The following NDNF variants were observed in gnomAD, a reference collection of about 807,000 sequenced individuals.
NDNF encodes the protein protein NDNF.
A neutral mutation model predicts 42.0 loss-of-function variants in NDNF; 16 were observed. That is an observed-to-expected ratio of 0.38 (90% confidence interval 0.26 to 0.58). The LOEUF (loss-of-function observed/expected upper bound fraction) is 0.58. Among genes scored for constraint, NDNF ranks in the 20% least tolerant of loss-of-function variants. NDNF has a pLI of 0.67. For synonymous variants in NDNF, 248 were observed against 251.7 expected (o/e 0.99, Z 0.14); for missense variants, 616 against 666.2 (o/e 0.92, Z 0.83).
intron 1 of NDNF, among the ~76,000 whole-genome samples, chr4:121,059,683 G>C (rs1727370002): frequency 6.6e-6 from 1 of 152,170 alleles, no homozygotes; most frequent in Non-Finnish European, 1.5e-5. Flanking sequence ...ATTTTGGTTT[G>C]GTTAGGATCT....
At chr4:121,064,091 C>A (rs1727460267) in intron 1 of NDNF, among the ~76,000 whole-genome samples, 1 of 152,182 alleles carries the variant, frequency 6.6e-6, no homozygotes, top group African/African-American at 2.4e-5. Flanking sequence ...ATTGTCCAGA[C>A]AAATTAATGT....
At position 121,045,634 on chromosome 4, in the gene NDNF, A is replaced by G; in HGVS notation, c.188+16T>C. ...TTGTGAGCTTTTTAATAAAGAAAATACTGCAGGGAGAATACCTCTTAGGTG... is the reference window on the plus strand; with the variant it reads ...TTGTGAGCTTTTTAATAAAGAAAATGCTGCAGGGAGAATACCTCTTAGGTG... On this transcript the variant is annotated intron_variant, in intron 2 of 3. Transcript: ENST00000379692. The G allele has an allele frequency of 6.2e-7, 1 of 1,604,016 alleles. No individual in the cohort carries two copies. The highest frequency in any genetic ancestry group is 8.5e-7 in the Non-Finnish European group (1 of 1,171,948).
At chr4:121,055,451 G>A (rs183334768) in intron 1 of NDNF, among the ~76,000 whole-genome samples, 1 of 152,140 alleles carries the variant, frequency 6.6e-6, no homozygotes, top group African/African-American at 2.4e-5. Flanking sequence ...ATAGGAACGT[G>A]CATATGATAA....
rs1349815046 is a variant in NDNF, at chr4:121,072,117, G to C, written c.-126C>G. ...AAGCACCAATATCCAGGAACGAGAA[G>C]CCTGGAGGGCGGGGACGGAGGCAGA... On this transcript the variant is annotated 5_prime_UTR_variant, in exon 1 of 4. Transcript: ENST00000379692. The C allele has an allele frequency of 6.6e-6, 1 of 152,428 alleles. No individual in the cohort carries two copies. Among genetic ancestry groups the C allele is most frequent in the African/African-American group, 2.4e-5 (1 of 41,476 alleles). 9.4% of individuals were successfully genotyped at this position (152,428 alleles called of 1,614,324 possible).
rs1410840968 is a variant in NDNF at position 121,037,596 on chromosome 4, T to C, written c.375A>G (p.Leu125=). Residue 125 remains leucine, a synonymous_variant, in exon 4 of 4, where the codon TTA becomes TTG. Transcript: ENST00000379692. ...QQIINEEGTE[L]FSYKGNDVEY... is the part of the protein sequence containing the mutation. ...CAACATCATTGCCTTTGTAGGAGAA[T>C]AACTCAGTGCCTTCCTCATTAATGA... The C allele has an allele frequency of 3.1e-6, 5 of 1,609,562 alleles. No individual in the cohort carries two copies. The highest frequency in any genetic ancestry group is 4.2e-6 in the Non-Finnish European group (5 of 1,179,238).
intron 3 of NDNF, among the ~76,000 whole-genome samples, chr4:121,039,182 GTGTGTGTGTGTATATATATATATATATA>G (rs1726942968): frequency 2.1e-3 from 29 of 13,802 alleles, no homozygotes; most frequent in South Asian, 0.011. Context: ...AAGACTATGT[GTGTGTGTGTGTATATATATATATATATA>G]TATATATATA....
At chr4:121,065,717 T>TAC (rs147500183) in intron 1 of NDNF, among the ~76,000 whole-genome samples, 90,198 of 147,478 alleles carry the variant, frequency 0.61, 28,715 homozygotes, top group East Asian at 0.74. Flanking sequence ...AAGAATGAAA[T>TAC]ACACACACAC....
rs1727620054 is a variant in NDNF at position 121,072,269 on chromosome 4, G to C, written c.-278C>G. On this transcript the variant is annotated 5_prime_UTR_variant, in exon 1 of 4. Transcript: ENST00000379692. ...GCTGCGAAGTGGAGTAGGGAGCCGC[G>C]CGGGGCTGGGGAATCCCGGGGCAGC... The C allele has an allele frequency of 6.6e-6, 1 of 152,604 alleles. No individual in the cohort carries two copies. The highest frequency in any genetic ancestry group is 1.5e-5 in the Non-Finnish European group (1 of 68,478). 9.5% of individuals were successfully genotyped at this position (152,604 alleles called of 1,614,324 possible). A position where few individuals can be genotyped will look rare whatever the true frequency, so the allele number is the denominator to read the frequency against.
intron 1 of NDNF, among the ~76,000 whole-genome samples, chr4:121,056,948 T>A (rs925587143): frequency 6.6e-6 from 1 of 152,196 alleles, no homozygotes; most frequent in Non-Finnish European, 1.5e-5. Flanking sequence ...AGAGCAAGTG[T>A]GGTGGGATTA....
At chr4:121,071,235 G>A (rs1016751900) in intron 1 of NDNF, among the ~76,000 whole-genome samples, 2 of 152,250 alleles carry the variant, frequency 1.3e-5, no homozygotes, top group African/African-American at 4.8e-5. Flanking sequence ...GGCTGGGGCC[G>A]TAGGGGGCGT....
chr4:121,039,702 TCTC>T (rs751433171), intron 3 of NDNF, among the ~76,000 whole-genome samples: 3 of 152,028 alleles, frequency 2.0e-5, no homozygotes, highest in Non-Finnish European at 2.9e-5. Flanking sequence ...CCTCTCCCCT[TCTC>T]CTCAAGCCGT....
At position 121,036,657 on chromosome 4, in the gene NDNF, C is replaced by T; in HGVS notation, c.1314G>A (p.Arg438=). The part of the protein sequence containing the change: ...ASMLKILATT[R]PTKQSFPSLP... ...GAGAGGGAAATGACTGCTTAGTAGG[C>T]CTTGTGGTAGCTAGAATTTTCAACA... Residue 438 remains arginine, a synonymous_variant, in exon 4 of 4, where the codon AGG becomes AGA. Coordinates refer to ENST00000379692, the MANE Select transcript of NDNF (RefSeq NM_024574.4). 1 of 1,614,116 alleles carries T rather than the reference C, an allele frequency of 6.2e-7. No homozygotes were observed. Among genetic ancestry groups the T allele is most frequent in the South Asian group, 1.1e-5 (1 of 91,082 alleles).
At chr4:121,066,250 GTT>G (rs1322800464) in intron 1 of NDNF, among the ~76,000 whole-genome samples, 2 of 152,210 alleles carry the variant, frequency 1.3e-5, no homozygotes, top group Non-Finnish European at 2.9e-5. Context: ...GAGGCACAGA[GTT>G]AAACGACTGA....
At position 121,037,596 on chromosome 4, in the gene NDNF, T is replaced by G. The variant is rs1410840968; in HGVS notation, c.375A>C (p.Leu125Phe). 1 of 1,609,444 alleles carries G rather than the reference T, an allele frequency of 6.2e-7. No homozygotes were observed. The highest frequency in any genetic ancestry group is 8.5e-7 in the Non-Finnish European group (1 of 1,179,246). The change falls in exon 4 of 4, where the codon TTA becomes TTC. Residue 125 changes from leucine (L) to phenylalanine (F), a missense_variant. Physicochemically the swap from Leu to Phe is conservative, Grantham distance 22. Coordinates refer to ENST00000379692, the MANE Select transcript of NDNF (RefSeq NM_024574.4). ...CAACATCATTGCCTTTGTAGGAGAA[T>G]AACTCAGTGCCTTCCTCATTAATGA... is the stretch of plus-strand genomic sequence containing the variant. Reference protein sequence around the residue: ...QQIINEEGTELFSYKGNDVEY... With the variant: ...QQIINEEGTEFFSYKGNDVEY...
intron 1 of NDNF, among the ~76,000 whole-genome samples, chr4:121,059,500 C>T (rs1192409805): frequency 6.6e-6 from 1 of 152,204 alleles, no homozygotes. Context: ...TATCTCTAAT[C>T]TGATGAAGGG....
At chr4:121,042,948 A>C (rs1727027639) in intron 2 of NDNF, among the ~76,000 whole-genome samples, 1 of 152,182 alleles carries the variant, frequency 6.6e-6, no homozygotes, top group South Asian at 2.1e-4. Context: ...CCACAAGATA[A>C]TGATTATGCA....
At chr4:121,043,526 T>C (rs72684031) in intron 2 of NDNF, among the ~76,000 whole-genome samples, 30,517 of 152,056 alleles carry the variant, frequency 0.2, 3,377 homozygotes, top group South Asian at 0.33. Context: ...AAGATAAATA[T>C]AAAGAATGAA....
rs1158296235 is a variant in NDNF at position 121,036,877 on chromosome 4, A to C, written c.1094T>G (p.Phe365Cys). Residue 365 changes from phenylalanine (F) to cysteine (C), a missense_variant, in exon 4 of 4, where the codon TTT becomes TGT. Physicochemically the swap from Phe to Cys is radical, Grantham distance 205. Coordinates refer to ENST00000379692, the MANE Select transcript of NDNF (RefSeq NM_024574.4). Reference protein sequence around the residue: ...VKRKGAKFLRFAPVSSHQKVT... With the variant: ...VKRKGAKFLRCAPVSSHQKVT... The stretch of plus-strand genomic sequence containing the variant: ...TTTTTGGTGAGAAGAGACTGGAGCA[A>C]ACCGTAGAAACTTTGCTCCCTTCCT... The C allele has an allele frequency of 6.2e-7, 1 of 1,614,092 alleles. No homozygotes were observed. The highest frequency in any genetic ancestry group is 1.1e-5 in the South Asian group (1 of 91,080).
At chr4:121,065,694 A>C (rs1727487781) in intron 1 of NDNF, among the ~76,000 whole-genome samples, 1 of 149,764 alleles carries the variant, frequency 6.7e-6, no homozygotes, top group South Asian at 2.1e-4. Context: ...ATTTATATTC[A>C]CTTTTATGTG....
Sources: gnomAD v4.1 joint callset for allele counts (sites outside exome capture counted in the v4.1 genomes callset) on GRCh38, gnomAD v4.1.1 for gene constraint, MANE v1.5 for transcripts, NCBI Gene and HGNC (gene_info 2026-07-23, HGNC 2026-07-21) for gene names.